Variants in GCC2 observed in about 807,000 individuals in gnomAD.
GCC2 encodes the protein GRIP and coiled-coil domain containing 2.
Under a neutral mutation model 210.6 loss-of-function variants are expected in GCC2, and 120 were observed. The ratio of observed to expected loss-of-function variants is 0.57; its 90% confidence interval spans 0.49 to 0.66. The LOEUF (loss-of-function observed/expected upper bound fraction) is 0.66, where lower values mean the gene tolerates loss of function less well. Among genes scored for constraint, GCC2 ranks in the 30% least tolerant of loss-of-function variants. The pLI is 0.00. For synonymous variants in GCC2, 703 were observed against 652.7 expected (o/e 1.08, Z -1.17); for missense variants, 1,868 against 1,871.9 (o/e 1.00, Z 0.04).
At chr2:108,474,394 T>A (rs1205262027) in intron 7 of GCC2, among the ~76,000 whole-genome samples, 1 of 152,188 alleles carries the variant, frequency 6.6e-6, no homozygotes, top group Non-Finnish European at 1.5e-5. Flanking sequence ...CCATTGCTAG[T>A]GCTGCTGATG....
chr2:108,483,834 A>G (rs1348098589), intron 12 of GCC2, among the ~76,000 whole-genome samples: 2 of 152,232 alleles, frequency 1.3e-5, no homozygotes, highest in South Asian at 2.1e-4. Context: ...GAAATGTACT[A>G]TAAGAGCCAC....
At chr2:108,504,376 A>G (rs1216663408) in intron 22 of GCC2, among the ~76,000 whole-genome samples, 1 of 152,164 alleles carries the variant, frequency 6.6e-6, no homozygotes, top group Non-Finnish European at 1.5e-5. Flanking sequence ...CCCAACTCGG[A>G]AAAGCAACAT....
In GCC2 at chr2:108,472,831, C is replaced by T. The variant is rs772341027; in HGVS notation, c.2792C>T (p.Ser931Phe). 8 of 1,566,170 alleles carry T rather than the reference C, an allele frequency of 5.1e-6. No individual in the cohort carries two copies. Among genetic ancestry groups the T allele is most frequent in the Non-Finnish European group, 6.1e-6 (7 of 1,146,582 alleles). Residue 931 changes from serine (S) to phenylalanine (F), a missense_variant, in exon 7 of 23, where the codon TCC becomes TTC. This residue lies in a region of GCC2 where 1,847 missense variants were observed against 1,765.2 expected (regional missense o/e 1.05). Coordinates refer to ENST00000309863, the MANE Select transcript of GCC2 (RefSeq NM_181453.4). ...TTTTTCCCCTGTAAAATCTAGGATT[C>T]CTTAGCAAAATCACCTTCTGTAAAA... is the stretch of plus-strand genomic sequence containing the variant. Reference protein sequence around the residue: ...RRAELILLKDSLAKSPSVKND... With the variant: ...RRAELILLKDFLAKSPSVKND...
chr2:108,476,259 C>A (rs899333250), intron 9 of GCC2, among the ~76,000 whole-genome samples: 1 of 151,924 alleles, frequency 6.6e-6, no homozygotes, highest in East Asian at 1.9e-4. Flanking sequence ...GGGGTTTCAC[C>A]ATGCTGGCCA....
In GCC2 at chr2:108,472,915, C is replaced by T; in HGVS notation, c.2860+16C>T. 7.3e-7 allele frequency: 1 copy of T among 1,379,078 alleles called. No individual in the cohort carries two copies. Among genetic ancestry groups the T allele is most frequent in the East Asian group, 2.3e-5 (1 of 43,286 alleles). 85.4% of individuals were successfully genotyped at this position (1,379,078 alleles called of 1,614,324 possible). The stretch of plus-strand genomic sequence containing the variant: ...GAAAAAATAGGTAACTATGGTTTTG[C>T]AGATGTTGTCACAATTAATTAGACA... On this transcript the variant is annotated intron_variant, in intron 7 of 22. Transcript: ENST00000309863.
rs370734448 is a variant in GCC2, at chr2:108,492,311, G to T, written c.4230-262G>T. On this transcript the variant is annotated intron_variant, in intron 18 of 22. Transcript: ENST00000309863. ...TGATGAACCATGAAAGAAGTTCCTA[G>T]TCTGGACAACACAACACAGTTTCTT... Among the ~76,000 whole-genome samples, 13 of 152,272 alleles carry T rather than the reference G, an allele frequency of 8.5e-5. No individual in the cohort carries two copies. In the South Asian group the frequency reaches 2.7e-3, roughly 32 times the overall value.
Position 108,492,597 on chromosome 2 carries a change from C to T in GCC2, c.4254C>T (p.Asn1418=). The change falls in exon 19 of 23, where the codon AAC becomes AAT. Residue 1418 remains asparagine (N), a synonymous_variant. Transcript: ENST00000309863. The part of the protein sequence containing the change: ...REKLCSIQSE[N]MMMKSEHTQT... ...GATTGTGTTCAATACAGTCAGAGAA[C>T]ATGATGATGAAATCTGAACATACAC... is the stretch of plus-strand genomic sequence containing the variant. The T allele has an allele frequency of 6.2e-7, 1 of 1,611,430 alleles. No individual in the cohort carries two copies. The highest frequency in any genetic ancestry group is 8.5e-7 in the Non-Finnish European group (1 of 1,177,544).
In GCC2 at chr2:108,486,686, T is replaced by C. The variant is rs767654185; in HGVS notation, c.3930+38T>C. On this transcript the variant is annotated intron_variant, in intron 16 of 22. Transcript: ENST00000309863. ...GGGCAGCCACAGCAAGCCACTGGGA[T>C]TTTATTATCAGCTAGTCATTGGTTT... 3 of 1,582,696 alleles carry C rather than the reference T, an allele frequency of 1.9e-6. No individual in the cohort carries two copies. In the African/African-American group the frequency reaches 4.1e-5, roughly 21 times the overall value.
chr2:108,449,288 A>C lies in GCC2; in HGVS notation c.6+8A>C. ...GGGCTGGCGGAGATGGAGGTAACTC[A>C]GGTCGGGCCCACTGCCTCCCATCAA... On this transcript the variant is annotated splice_region_variant and intron_variant, in intron 1 of 22. Transcript: ENST00000309863. 1.3e-6 allele frequency: 2 copies of C among 1,549,188 alleles called. No homozygotes were observed. The highest frequency in any genetic ancestry group is 1.2e-5 in the South Asian group (1 of 83,946).
intron 22 of GCC2, among the ~76,000 whole-genome samples, chr2:108,504,312 T>C (rs1345565349): frequency 6.6e-6 from 1 of 152,146 alleles, no homozygotes; most frequent in Non-Finnish European, 1.5e-5. Flanking sequence ...AGTTTTCCTT[T>C]CTGTGGGTTT....
At chr2:108,454,076 C>T (rs1573340140) in intron 4 of GCC2, among the ~76,000 whole-genome samples, 2 of 152,152 alleles carry the variant, frequency 1.3e-5, no homozygotes, top group Middle Eastern at 3.4e-3. Context: ...CCGCAAGCTC[C>T]GCCTCCTGGG....
At chr2:108,473,087 C>A (rs1681325367) in intron 7 of GCC2, 188 bp downstream of exon 7, 2 of 479,230 alleles carry the variant, frequency 4.2e-6, no homozygotes, top group Admixed American at 8.7e-5. Flanking sequence ...GTGTTACTTT[C>A]TATTGTTTAA....
intron 17 of GCC2, among the ~76,000 whole-genome samples, chr2:108,489,377 T>C (rs1682297158): frequency 6.6e-6 from 1 of 152,038 alleles, no homozygotes; most frequent in African/African-American, 2.4e-5. Context: ...TAGCTGAGCG[T>C]GGTGGTGGGT....
chr2:108,503,390 G>A (rs1285333999), intron 22 of GCC2, among the ~76,000 whole-genome samples: 1 of 152,144 alleles, frequency 6.6e-6, no homozygotes, highest in Non-Finnish European at 1.5e-5. Context: ...TTAAGAATCT[G>A]CCTTCATTGA....
At chr2:108,467,505 G>C (rs1418129170) in intron 4 of GCC2, among the ~76,000 whole-genome samples, 1 of 151,968 alleles carries the variant, frequency 6.6e-6, no homozygotes, top group East Asian at 1.9e-4. Context: ...TTTTGAGACA[G>C]AGCCTCGCCT....
In GCC2 at chr2:108,507,472, A is replaced by G. The variant is rs576234932; in HGVS notation, c.4985-88A>G. The stretch of plus-strand genomic sequence containing the variant: ...CATTATTTGCTTATATTGTAGAGTG[A>G]TTCTAAAATATAGATTTTACATTGA... On this transcript the variant is annotated intron_variant, in intron 22 of 22. Coordinates refer to ENST00000309863, the MANE Select transcript of GCC2 (RefSeq NM_181453.4). 6.9e-4 allele frequency: 716 copies of G among 1,035,230 alleles called. 1 individual carries two copies. The highest frequency in any genetic ancestry group is 8.8e-4 in the Non-Finnish European group (656 of 741,680). 64.1% of individuals were successfully genotyped at this position (1,035,230 alleles called of 1,614,324 possible).
chr2:108,482,927 G>A (rs1238472076), intron 11 of GCC2, 135 bp from the exon 12 acceptor site: 10 of 603,664 alleles, frequency 1.7e-5, no homozygotes, highest in South Asian at 3.4e-5. Context: ...TGATCCACCC[G>A]CCTCGGCCTC....
Position 108,489,819 on chromosome 2 carries a change from C to G in GCC2, c.4053-19C>G, listed in dbSNP as rs1558754902. ...TCACCTTTTTCAAAAAATTTTAAAACTGTGTATTTCTGTTTTAGGGAACAT... is the reference window on the plus strand; with the variant it reads ...TCACCTTTTTCAAAAAATTTTAAAAGTGTGTATTTCTGTTTTAGGGAACAT... On this transcript the variant is annotated intron_variant, in intron 17 of 22. Coordinates refer to ENST00000309863, the MANE Select transcript of GCC2 (RefSeq NM_181453.4). 1 of 1,551,776 alleles carries G rather than the reference C, an allele frequency of 6.4e-7. No individual in the cohort carries two copies. The highest frequency in any genetic ancestry group is 8.7e-7 in the Non-Finnish European group (1 of 1,149,762).
chr2:108,495,110 T>C (rs13391354), intron 19 of GCC2, 181 bp from the exon 20 acceptor site: 13,231 of 420,810 alleles, frequency 0.031, 270 homozygotes, highest in African/African-American at 0.051. Flanking sequence ...CACGCCCAGC[T>C]TTGATGACTA....
Sources: allele counts gnomAD v4.1 joint callset (sites outside exome capture counted in the v4.1 genomes callset), GRCh38; gene constraint gnomAD v4.1.1; regional missense constraint gnomAD v4.1.1; transcripts MANE v1.5; gene names NCBI Gene and HGNC (gene_info 2026-07-23, HGNC 2026-07-21).